Variants in TAF4B observed in about 807,000 individuals in gnomAD.
TAF4B encodes transcription initiation factor TFIID subunit 4B.
A neutral mutation model predicts 86.4 loss-of-function variants in TAF4B; 38 were observed. The observed-to-expected ratio is 0.44, with a 90% confidence interval of 0.34 to 0.58. TAF4B has a LOEUF of 0.58. Ranked by LOEUF, TAF4B falls within the 20% of genes least tolerant of loss-of-function variation. The pLI, the probability that TAF4B is intolerant of heterozygous loss-of-function variation, is 0.02. For missense variants in TAF4B, 988 were observed against 1,027.6 expected (o/e 0.96, Z 0.53); for synonymous variants, 388 against 391.2 (o/e 0.99, Z 0.10).
chr18:26,388,924 G>A (rs1978538222), intron 14 of TAF4B, among the ~76,000 whole-genome samples: 1 of 152,108 alleles, frequency 6.6e-6, no homozygotes, highest in Non-Finnish European at 1.5e-5. Flanking sequence ...CAATTCTCCT[G>A]CCTTAGCCTC....
chr18:26,226,969 T>A lies in TAF4B; in HGVS notation c.36T>A (p.Ala12=). The A allele has an allele frequency of 7.2e-7, 1 of 1,384,828 alleles. No homozygotes were observed. Among genetic ancestry groups the A allele is most frequent in the Non-Finnish European group, 9.3e-7 (1 of 1,080,056 alleles). The allele number at this position is 1,384,828 out of a possible 1,614,324, so 85.8% of individuals were successfully genotyped here. The change falls in exon 1 of 15, where the codon GCT becomes GCA. Residue 12 remains alanine, a synonymous_variant. Transcript: ENST00000269142. Reference sequence around the variant, plus strand: ...GCCTCACCGAACCCGCCGGCGCCGCTCCCCCGGCTGCTGTGAGCGCCTCGG... The same window carrying A: ...GCCTCACCGAACCCGCCGGCGCCGCACCCCCGGCTGCTGTGAGCGCCTCGG... ...PAGLTEPAGA[A]PPAAVSASGT... is the part of the protein sequence containing the mutation.
At chr18:26,359,817 G>A (rs1049568873) in intron 14 of TAF4B, among the ~76,000 whole-genome samples, 1 of 152,060 alleles carries the variant, frequency 6.6e-6, no homozygotes, top group African/African-American at 2.4e-5. Flanking sequence ...CTGGGCTCAA[G>A]CAATCCTGTC....
intron 6 of TAF4B, among the ~76,000 whole-genome samples, chr18:26,284,132 G>C (rs1419400978): frequency 6.6e-6 from 1 of 151,828 alleles, no homozygotes; most frequent in Non-Finnish European, 1.5e-5. Context: ...GCTTTACCTT[G>C]CACTTTTATG....
chr18:26,295,289 G>T, intron 9 of TAF4B: 2 of 310,442 alleles, frequency 6.4e-6, no homozygotes, highest in South Asian at 2.8e-5. Flanking sequence ...TCATCTGCTG[G>T]TAAATTCCTC....
intron 14 of TAF4B, among the ~76,000 whole-genome samples, chr18:26,380,384 C>T (rs1460451686): frequency 1.3e-5 from 2 of 152,202 alleles, no homozygotes; most frequent in African/African-American, 4.8e-5. Context: ...TTCCTAACTT[C>T]CATCCTGGTA....
chr18:26,358,142 G>A (rs1046644278), intron 14 of TAF4B, among the ~76,000 whole-genome samples: 1 of 152,040 alleles, frequency 6.6e-6, no homozygotes, highest in African/African-American at 2.4e-5. Flanking sequence ...GGCTAATCTT[G>A]TAAGACCGAA....
Position 26,254,356 on chromosome 18 carries a change from CT to C in TAF4B, c.344-10810del, listed in dbSNP as rs1387647801. 4.6e-5 allele frequency among the ~76,000 whole-genome samples: 7 copies of C among 151,158 alleles called. No individual in the cohort carries two copies. The East Asian group carries it at 1.4e-3, about 29-fold the overall frequency. ...TTTTGTTGATTTTTCTTTTTTTTCT[CT>C]TTTAGTAAATTTTAGTTTTAATACA... On this transcript the variant is annotated intron_variant, in intron 1 of 14. Coordinates refer to ENST00000269142, the MANE Select transcript of TAF4B (RefSeq NM_005640.3).
intron 14 of TAF4B, among the ~76,000 whole-genome samples, chr18:26,384,500 A>G (rs1036888420): frequency 6.6e-6 from 1 of 152,230 alleles, no homozygotes; most frequent in African/African-American, 2.4e-5. Flanking sequence ...TAGGCATTCA[A>G]GGCTCCCTTA....
At chr18:26,259,528 G>A (rs1485814172) in intron 1 of TAF4B, among the ~76,000 whole-genome samples, 1 of 151,634 alleles carries the variant, frequency 6.6e-6, no homozygotes, top group Non-Finnish European at 1.5e-5. Flanking sequence ...GTGAGAACAT[G>A]TGGTGTTTGG....
chr18:26,260,866 C>T lies in TAF4B; in HGVS notation c.344-4304C>T, dbSNP rs146412675. On this transcript the variant is annotated intron_variant, in intron 1 of 14. Coordinates refer to ENST00000269142, the MANE Select transcript of TAF4B (RefSeq NM_005640.3). ...GTATGGTTCCTTTTATTCCTTTGAACATACTTATAATTGTTACTCTGACAT... is the reference window on the plus strand; with the variant it reads ...GTATGGTTCCTTTTATTCCTTTGAATATACTTATAATTGTTACTCTGACAT... 7.1e-3 allele frequency among the ~76,000 whole-genome samples: 1,084 copies of T among 152,266 alleles called. 5 individuals are homozygous for T. The highest frequency in any genetic ancestry group is 0.012 in the Non-Finnish European group (811 of 68,016).
intron 1 of TAF4B, among the ~76,000 whole-genome samples, chr18:26,228,667 G>A (rs547269721): frequency 6.6e-6 from 1 of 151,116 alleles, no homozygotes; most frequent in African/African-American, 2.4e-5. Context: ...AGAGGCTAAG[G>A]CACGAGAATC....
At chr18:26,245,951 G>A (rs2055917599) in intron 1 of TAF4B, among the ~76,000 whole-genome samples, 1 of 152,154 alleles carries the variant, frequency 6.6e-6, no homozygotes, top group African/African-American at 2.4e-5. Flanking sequence ...AAACATCTTT[G>A]CATGTGTATT....
At chr18:26,251,206 T>C (rs1217259043) in intron 1 of TAF4B, among the ~76,000 whole-genome samples, 2 of 152,188 alleles carry the variant, frequency 1.3e-5, no homozygotes, top group Non-Finnish European at 2.9e-5. Context: ...GAAGGACTTA[T>C]ATTCGTGATC....
chr18:26,328,149 T>A (rs574793740), intron 12 of TAF4B, among the ~76,000 whole-genome samples: 12 of 152,278 alleles, frequency 7.9e-5, no homozygotes, highest in South Asian at 4.2e-4. Flanking sequence ...ATTACTTTTT[T>A]AAAAACTAAC....
chr18:26,227,369 C>T, intron 1 of TAF4B, 93 bp downstream of exon 1: 1 of 1,100,054 alleles, frequency 9.1e-7, no homozygotes, highest in Non-Finnish European at 1.3e-6. Flanking sequence ...AAAAACTGAG[C>T]CACGGGAACA....
intron 13 of TAF4B, among the ~76,000 whole-genome samples, chr18:26,339,847 A>C (rs2057122943): frequency 6.6e-6 from 1 of 152,116 alleles, no homozygotes; most frequent in South Asian, 2.1e-4. Context: ...ATAGTTATAT[A>C]TTTTCTGATC....
intron 13 of TAF4B, among the ~76,000 whole-genome samples, chr18:26,347,624 T>G (rs1419384814): frequency 6.6e-6 from 1 of 152,178 alleles, no homozygotes; most frequent in Non-Finnish European, 1.5e-5. Flanking sequence ...ATTTAAAAGA[T>G]ACAGACTAGC....
intron 1 of TAF4B, among the ~76,000 whole-genome samples, chr18:26,243,382 CT>C (rs1169713743): frequency 6.6e-6 from 1 of 152,154 alleles, no homozygotes; most frequent in African/African-American, 2.4e-5. Context: ...GAATCGGCTA[CT>C]GAAGCTTGTG....
chr18:26,339,690 CTT>C (rs1180517262), intron 13 of TAF4B, among the ~76,000 whole-genome samples: 1 of 152,154 alleles, frequency 6.6e-6, no homozygotes, highest in Non-Finnish European at 1.5e-5. Context: ...GCAGGCATAT[CTT>C]TATTTAATGC....
Sources: gnomAD v4.1 joint callset for allele counts (sites outside exome capture counted in the v4.1 genomes callset) on GRCh38, gnomAD v4.1.1 for gene constraint, MANE v1.5 for transcripts, NCBI Gene and HGNC (gene_info 2026-07-23, HGNC 2026-07-21) for gene names.